OTUD7A: variants seen among roughly 807,000 people sequenced by gnomAD.
OTUD7A encodes OTU deubiquitinase 7A.
A neutral mutation model predicts 65.7 loss-of-function variants in OTUD7A; 12 were observed. The observed-to-expected ratio is 0.18, with a 90% CI of 0.12 to 0.30. The LOEUF (loss-of-function observed/expected upper bound fraction) is 0.30. Ranked by LOEUF, OTUD7A falls within the 10% of genes least tolerant of loss-of-function variation. OTUD7A has a pLI of 1.00. For synonymous variants in OTUD7A, 641 were observed against 586.3 expected, an observed-to-expected ratio of 1.09 and a Z score of -1.35; for missense variants, 1,148 against 1,304.8, an observed-to-expected ratio of 0.88 and a Z score of 1.85.
intron 1 of OTUD7A, among the ~76,000 whole-genome samples, chr15:31,714,354 A>G (rs1490838599): frequency 6.6e-6 from 1 of 152,184 alleles, no homozygotes; most frequent in Non-Finnish European, 1.5e-5. Flanking sequence ...CATTCCATTC[A>G]TCACACTGAG....
intron 3 of OTUD7A, among the ~76,000 whole-genome samples, chr15:31,578,743 G>A (rs1407829915): frequency 6.6e-6 from 1 of 152,152 alleles, no homozygotes; most frequent in Non-Finnish European, 1.5e-5. Context: ...GTAGAGGTGG[G>A]GTTTCCCCAT....
intron 1 of OTUD7A, among the ~76,000 whole-genome samples, chr15:31,764,360 A>G (rs1895046878): frequency 6.6e-6 from 1 of 152,194 alleles, no homozygotes; most frequent in Non-Finnish European, 1.5e-5. Context: ...CTATCATTTT[A>G]TAGAGGAATA....
At chr15:31,488,053 C>T (rs920204692) in intron 10 of OTUD7A, among the ~76,000 whole-genome samples, 3 of 152,162 alleles carry the variant, frequency 2.0e-5, no homozygotes, top group African/African-American at 7.2e-5. Flanking sequence ...GCCTGGGACC[C>T]ATGGACCCAC....
At chr15:31,755,510 A>T (rs1235811276) in intron 1 of OTUD7A, among the ~76,000 whole-genome samples, 1 of 152,138 alleles carries the variant, frequency 6.6e-6, no homozygotes, top group Non-Finnish European at 1.5e-5. Context: ...TCACGAGGTC[A>T]GGAGATCGAG....
chr15:31,764,361 T>C (rs1327714999), intron 1 of OTUD7A, among the ~76,000 whole-genome samples: 1 of 152,156 alleles, frequency 6.6e-6, no homozygotes, highest in East Asian at 1.9e-4. Context: ...TATCATTTTA[T>C]AGAGGAATAG....
intron 1 of OTUD7A, among the ~76,000 whole-genome samples, chr15:31,776,951 TA>T (rs547850468): frequency 1.3e-5 from 2 of 150,744 alleles, no homozygotes; most frequent in Admixed American, 6.6e-5. Context: ...ATAATAATAA[TA>T]AAAAAATGCT....
chr15:31,570,023 G>A lies in OTUD7A; in HGVS notation c.326C>T (p.Ala109Val). The A allele has an allele frequency of 1.9e-6, 3 of 1,613,942 alleles. No homozygotes were observed. The highest frequency in any genetic ancestry group is 2.5e-6 in the Non-Finnish European group (3 of 1,180,040). Residue 109 changes from alanine to valine, a missense_variant, in exon 4 of 13, where the codon GCC (alanine) becomes GTC (valine). Transcript: ENST00000307050. ...RPCLQRQDDI[A>V]QEKRLSRGIS... is the part of the protein sequence containing the mutation. The stretch of plus-strand genomic sequence containing the variant: ...GCTCAGTCCCTCAGCGGTACCTTGG[G>A]CAATGTCGTCCTGCCTCTGCAGGCA...
chr15:31,561,768 TCA>T (rs1041216810), intron 4 of OTUD7A, among the ~76,000 whole-genome samples: 158 of 143,508 alleles, frequency 1.1e-3, no homozygotes, highest in African/African-American at 4.3e-3. Context: ...ATCATCTCTC[TCA>T]CACACACACA....
intron 1 of OTUD7A, among the ~76,000 whole-genome samples, chr15:31,677,619 C>T (rs565678630): frequency 1.8e-4 from 28 of 152,258 alleles, no homozygotes; most frequent in East Asian, 1.9e-4. Context: ...TTCTCCTTCC[C>T]GCTGTCCTGT....
rs572565420 is a variant in OTUD7A, at chr15:31,862,261, A to T, written c.-100+8246T>A. Among the ~76,000 whole-genome samples the T allele has an allele frequency of 2.6e-5, 4 of 152,296 alleles. No homozygotes were observed. The South Asian group carries it at 8.3e-4, about 32-fold the overall frequency. On this transcript the variant is annotated intron_variant, in intron 1 of 12. Transcript: ENST00000307050. ...AGTACGTTCTGTAATGATCCTGCCC[A>T]ATGAGCCCTTGTATGCCTGTTATTC...
intron 3 of OTUD7A, among the ~76,000 whole-genome samples, chr15:31,654,725 G>A (rs910956174): frequency 8.5e-5 from 13 of 152,118 alleles, no homozygotes; most frequent in Admixed American, 2.0e-4. Flanking sequence ...TGGTATCTAC[G>A]TGAAAAGCTG....
chr15:31,666,689 T>C (rs1438411647), intron 1 of OTUD7A, among the ~76,000 whole-genome samples: 3 of 152,120 alleles, frequency 2.0e-5, no homozygotes, highest in Non-Finnish European at 2.9e-5. Flanking sequence ...GTTTGGTTTG[T>C]TCTTGTTTCT....
At chr15:31,757,696 T>C (rs1045301965) in intron 1 of OTUD7A, among the ~76,000 whole-genome samples, 2 of 152,156 alleles carry the variant, frequency 1.3e-5, no homozygotes, top group Non-Finnish European at 2.9e-5. Context: ...ACTAATGAAA[T>C]GTCAATTACA....
rs549584179 is a variant in OTUD7A at position 31,834,645 on chromosome 15, T to C, written c.-100+35862A>G. The stretch of plus-strand genomic sequence containing the variant: ...GAGAAGTTCTATTATGTATGTATTC[T>C]TTAGGCCAATTGTCGAATCCAAGCA... On this transcript the variant is annotated intron_variant, in intron 1 of 12. Transcript: ENST00000307050. Among the ~76,000 whole-genome samples the C allele has an allele frequency of 7.9e-5, 12 of 152,322 alleles. No homozygotes were observed. The South Asian group carries it at 1.2e-3, about 16-fold the overall frequency.
intron 4 of OTUD7A, among the ~76,000 whole-genome samples, chr15:31,568,669 C>G (rs1161972549): frequency 1.3e-5 from 2 of 152,190 alleles, no homozygotes; most frequent in Non-Finnish European, 2.9e-5. Flanking sequence ...AATCCGCCAT[C>G]TTGGAGGTAA....
At chr15:31,550,967 A>G (rs552507297) in intron 5 of OTUD7A, among the ~76,000 whole-genome samples, 10 of 152,334 alleles carry the variant, frequency 6.6e-5, no homozygotes, top group Admixed American at 4.6e-4. Flanking sequence ...ACCTGTGCAG[A>G]TAACAGTGTG....
intron 1 of OTUD7A, among the ~76,000 whole-genome samples, chr15:31,745,861 T>A (rs539319928): frequency 1.3e-4 from 19 of 151,910 alleles, no homozygotes; most frequent in South Asian, 4.1e-4. Context: ...CCAATTTTTT[T>A]AAAAAAATTG....
intron 1 of OTUD7A, among the ~76,000 whole-genome samples, chr15:31,756,049 G>A (rs1186656426): frequency 6.6e-6 from 1 of 152,200 alleles, no homozygotes; most frequent in Non-Finnish European, 1.5e-5. Flanking sequence ...GGACTCCGCT[G>A]AAGATGAGCC....
intron 10 of OTUD7A, among the ~76,000 whole-genome samples, chr15:31,496,488 C>G (rs2041386523): frequency 6.6e-6 from 1 of 152,132 alleles, no homozygotes; most frequent in Admixed American, 6.5e-5. Context: ...TCCCAATGTG[C>G]TGGGATTACA....
Sources: allele counts gnomAD v4.1 joint callset (sites outside exome capture counted in the v4.1 genomes callset), GRCh38; gene constraint gnomAD v4.1.1; transcripts MANE v1.5; gene names NCBI Gene and HGNC (gene_info 2026-07-23, HGNC 2026-07-21).